PRKCE: variants seen among roughly 807,000 people sequenced by gnomAD.
PRKCE encodes the protein protein kinase C epsilon.
A neutral mutation model predicts 85.4 loss-of-function variants in PRKCE; 16 were observed. The observed-to-expected ratio is 0.19, with a 90% confidence interval of 0.13 to 0.28. PRKCE has a LOEUF of 0.28. Among genes scored for constraint, PRKCE ranks in the 10% least tolerant of loss-of-function variants. PRKCE has a pLI of 1.00. For missense variants in PRKCE, 573 were observed against 975.2 expected (o/e 0.59, Z 5.49); for synonymous variants, 388 against 371.5 (o/e 1.04, Z -0.51).
chr2:45,863,569 C>T (rs772553575), intron 2 of PRKCE, among the ~76,000 whole-genome samples: 4 of 152,046 alleles, frequency 2.6e-5, no homozygotes. Flanking sequence ...AGAGGAGTCA[C>T]AGGCAGTCCC....
rs72800000 is a variant in PRKCE at position 45,813,464 on chromosome 2, C to T, written c.349-29536C>T. ...AGCAGAGAGGAGACAGGAGTGCAGACGGGGGCTGTAGTTTGTTATCCCCTT... is the reference window on the plus strand; with the variant it reads ...AGCAGAGAGGAGACAGGAGTGCAGATGGGGGCTGTAGTTTGTTATCCCCTT... On this transcript the variant is annotated intron_variant, in intron 1 of 14. Coordinates refer to ENST00000306156, the MANE Select transcript of PRKCE (RefSeq NM_005400.3). 3.4e-3 allele frequency among the ~76,000 whole-genome samples: 523 copies of T among 152,274 alleles called. 2 individuals carry two copies. The highest frequency in any genetic ancestry group is 6.8e-3 in the Middle Eastern group (2 of 294).
chr2:45,745,939 G>A (rs376960128), intron 1 of PRKCE, among the ~76,000 whole-genome samples: 51 of 152,342 alleles, frequency 3.3e-4, no homozygotes, highest in African/African-American at 1.2e-3. Flanking sequence ...GTCGTCACAA[G>A]CCTCTGGACT....
intron 2 of PRKCE, among the ~76,000 whole-genome samples, chr2:45,885,395 AG>A (rs1695219253): frequency 6.6e-6 from 1 of 152,156 alleles, no homozygotes; most frequent in East Asian, 1.9e-4. Flanking sequence ...TGGCTTTCAG[AG>A]ACCTTCTGCC....
At chr2:46,046,390 G>T (rs868618492) in intron 10 of PRKCE, among the ~76,000 whole-genome samples, 1 of 152,198 alleles carries the variant, frequency 6.6e-6, no homozygotes, top group African/African-American at 2.4e-5. Context: ...CCACATGACA[G>T]TGTTTCTCAA....
intron 1 of PRKCE, among the ~76,000 whole-genome samples, chr2:45,798,422 G>T (rs1687603658): frequency 6.6e-6 from 1 of 152,134 alleles, no homozygotes; most frequent in African/African-American, 2.4e-5. Context: ...TCACATACAT[G>T]CCTGCCCCCG....
At position 45,652,298 on chromosome 2, in the gene PRKCE, C is replaced by G. The variant is rs1403008214; in HGVS notation, c.198C>G (p.His66Gln). 1 of 1,613,624 alleles carries G rather than the reference C, an allele frequency of 6.2e-7. No individual in the cohort carries two copies. The highest frequency in any genetic ancestry group is 8.5e-7 in the Non-Finnish European group (1 of 1,180,010). ...AGAAGACCAACAGCCCGGCCTGGCA[C>G]GACGAGTTCGTCACCGATGTGTGCA... The part of the protein sequence containing the change: ...TKQKTNSPAW[H>Q]DEFVTDVCNG... Residue 66 changes from histidine to glutamine, a missense_variant, in exon 1 of 15, where the codon CAC becomes CAG. Transcript: ENST00000306156. The surrounding 1 kb of genome is among the most constrained non-coding windows in gnomAD (Gnocchi z 7.7).
chr2:46,153,335 T>C (rs1010264958), intron 13 of PRKCE, among the ~76,000 whole-genome samples: 1 of 152,222 alleles, frequency 6.6e-6, no homozygotes, highest in Non-Finnish European at 1.5e-5. Flanking sequence ...ATTCTATAAA[T>C]ATTTATTGGC....
chr2:45,927,693 C>G (rs1050932712), intron 2 of PRKCE, among the ~76,000 whole-genome samples: 1 of 152,200 alleles, frequency 6.6e-6, no homozygotes, highest in Non-Finnish European at 1.5e-5. Context: ...TAAAATCTCT[C>G]GCATAGAGGC....
At chr2:45,923,155 C>A (rs1698377617) in intron 2 of PRKCE, among the ~76,000 whole-genome samples, 1 of 152,126 alleles carries the variant, frequency 6.6e-6, no homozygotes, top group Non-Finnish European at 1.5e-5. Context: ...GAGGAGTAGG[C>A]CTTGCTGAGT....
At chr2:45,962,452 C>G (rs1165927567) in intron 2 of PRKCE, among the ~76,000 whole-genome samples, 1 of 152,210 alleles carries the variant, frequency 6.6e-6, no homozygotes, top group Non-Finnish European at 1.5e-5. Flanking sequence ...AGAATTTTTT[C>G]TCAGGTTCAT....
chr2:45,683,596 G>A (rs1677070316), intron 1 of PRKCE, among the ~76,000 whole-genome samples: 1 of 152,338 alleles, frequency 6.6e-6, no homozygotes, highest in Non-Finnish European at 1.5e-5. Context: ...ATGAGAGATA[G>A]GATGGAATGA....
intron 2 of PRKCE, among the ~76,000 whole-genome samples, chr2:45,867,668 T>A (rs1205113086): frequency 6.6e-6 from 1 of 152,274 alleles, no homozygotes; most frequent in Non-Finnish European, 1.5e-5. Context: ...AGGTTTTGTT[T>A]TCCTGCTATA....
chr2:45,982,225 C>T (rs1702946437), intron 5 of PRKCE, among the ~76,000 whole-genome samples: 1 of 145,222 alleles, frequency 6.9e-6, no homozygotes. Context: ...ATGGGCTTGC[C>T]CTCTGCCGGG....
intron 1 of PRKCE, among the ~76,000 whole-genome samples, chr2:45,808,942 G>A (rs975899375): frequency 1.5e-4 from 23 of 152,140 alleles, no homozygotes; most frequent in Admixed American, 1.4e-3. Context: ...ACTCCCTCCT[G>A]TTGCCCTCTT....
At position 46,139,721 on chromosome 2, in the gene PRKCE, T is replaced by C. The variant is rs1335996881; in HGVS notation, c.1593-5372T>C. On this transcript the variant is annotated intron_variant, in intron 11 of 14. Coordinates refer to ENST00000306156, the MANE Select transcript of PRKCE (RefSeq NM_005400.3). This position sits in a 1 kb window ranked among gnomAD's most constrained non-coding sequence, Gnocchi z 5.2. ...GTGTGTATATATATACATATATACA[T>C]ATACATATATATCTAGAGAGAGAGA... 6.6e-6 allele frequency among the ~76,000 whole-genome samples: 1 copy of C among 151,382 alleles called. No homozygotes were observed. Among genetic ancestry groups the C allele is most frequent in the Non-Finnish European group, 1.5e-5 (1 of 67,896 alleles).
chr2:45,813,508 C>T (rs1047979937), intron 1 of PRKCE, among the ~76,000 whole-genome samples: 11 of 152,158 alleles, frequency 7.2e-5, no homozygotes, highest in African/African-American at 2.4e-4. Flanking sequence ...GCCACGTGCC[C>T]AGCTCCCTGG....
upstream of PRKCE, chr2:45,651,618 T>C (rs981682780): frequency 3.4e-4 from 54 of 158,468 alleles, no homozygotes; most frequent in Non-Finnish European, 6.6e-4. Context: ...GGTTGAAATC[T>C]GCGCCCCCGG....
chr2:46,069,094 C>G (rs1312931728), intron 10 of PRKCE, among the ~76,000 whole-genome samples: 3 of 152,190 alleles, frequency 2.0e-5, no homozygotes, highest in Admixed American at 2.0e-4. Context: ...GGGCTTGGTT[C>G]CAAATGACAA....
intron 11 of PRKCE, among the ~76,000 whole-genome samples, chr2:46,101,102 C>T (rs11694401): frequency 0.38 from 58,031 of 151,958 alleles, 13,359 homozygotes; most frequent in East Asian, 0.56. Context: ...CTCCTGACCT[C>T]GAGTGATCTG....
Sources: allele counts gnomAD v4.1 joint callset (sites outside exome capture counted in the v4.1 genomes callset), GRCh38; gene constraint gnomAD v4.1.1; non-coding constraint Gnocchi (gnomAD v3.1); transcripts MANE v1.5; gene names NCBI Gene and HGNC (gene_info 2026-07-23, HGNC 2026-07-21).